The following RRM2 variants were observed in gnomAD, a reference collection of about 807,000 sequenced individuals.
RRM2 encodes the protein ribonucleotide reductase regulatory subunit M2, also known as ribonucleoside-diphosphate reductase subunit M2.
A neutral mutation model predicts 45.9 loss-of-function variants in RRM2; 6 were observed. The observed-to-expected ratio is 0.13, with a 90% CI of 0.07 to 0.26. The LOEUF (loss-of-function observed/expected upper bound fraction) is 0.26, where lower values mean the gene tolerates loss of function less well. Ranked by LOEUF, RRM2 falls within the 10% of genes least tolerant of loss-of-function variation. The pLI, the probability that RRM2 is intolerant of heterozygous loss-of-function variation, is 1.00. For missense variants in RRM2, 343 were observed against 489.5 expected, an observed-to-expected ratio of 0.70 and a Z score of 2.82; for synonymous variants, 177 against 173.0, an observed-to-expected ratio of 1.02 and a Z score of -0.18.
intron 3 of RRM2, among the ~76,000 whole-genome samples, chr2:10,189,861 G>A (rs962376797): frequency 6.6e-6 from 1 of 152,232 alleles, no homozygotes; most frequent in Non-Finnish European, 1.5e-5. Flanking sequence ...CCCAGAGCCT[G>A]GCACATAGTG....
intron 3 of RRM2, among the ~76,000 whole-genome samples, chr2:10,149,113 G>A (rs1355086604): frequency 6.6e-6 from 1 of 151,698 alleles, no homozygotes; most frequent in Non-Finnish European, 1.5e-5. Context: ...GCTTTCTGGA[G>A]AGGATTGCTG....
At chr2:10,154,640 A>G (rs1663387713) in intron 3 of RRM2, among the ~76,000 whole-genome samples, 1 of 151,926 alleles carries the variant, frequency 6.6e-6, no homozygotes, top group Admixed American at 6.6e-5. Context: ...CTGAGTGGCT[A>G]ATAAATATTA....
rs755862699 is a variant in RRM2 at position 10,127,788 on chromosome 2, A to G, written c.798+568A>G. The stretch of plus-strand genomic sequence containing the variant: ...TGAGCCACCATGCCCAGCCAAAACT[A>G]CAAGTTATTGATGGGATTGGGATTT... On this transcript the variant is annotated intron_variant, in intron 7 of 9. Coordinates refer to ENST00000304567, the MANE Select transcript of RRM2 (RefSeq NM_001034.4). This position sits in a 1 kb window ranked among gnomAD's most constrained non-coding sequence, Gnocchi z 4.1. Among the ~76,000 whole-genome samples, 4 of 152,122 alleles carry G rather than the reference A, an allele frequency of 2.6e-5. No homozygotes were observed. The highest frequency in any genetic ancestry group is 2.9e-5 in the Non-Finnish European group (2 of 68,010).
chr2:10,122,922 G>A (rs1458182123), intron 1 of RRM2, 25 bp downstream of exon 1: 2 of 1,554,812 alleles, frequency 1.3e-6, no homozygotes, highest in Admixed American at 1.9e-5. Context: ...AGGGCGCTGC[G>A]GGCAGGGGAG....
chr2:10,163,252 C>T (rs368725650), intron 3 of RRM2, among the ~76,000 whole-genome samples: 1 of 149,414 alleles, frequency 6.7e-6, no homozygotes. Flanking sequence ...AGAGGGGGAG[C>T]GAGCGCTTGA....
chr2:10,160,615 G>C (rs148717127), intron 3 of RRM2, among the ~76,000 whole-genome samples: 1 of 152,246 alleles, frequency 6.6e-6, no homozygotes, highest in Non-Finnish European at 1.5e-5. Context: ...TCACCATAGA[G>C]GTTTGGGTCC....
At chr2:10,190,746 A>T (rs1317242161) in intron 3 of RRM2, among the ~76,000 whole-genome samples, 1 of 140,706 alleles carries the variant, frequency 7.1e-6, no homozygotes, top group East Asian at 2.1e-4. Flanking sequence ...GATGGTGGTG[A>T]TGTTGGCGAT....
In RRM2 at chr2:10,185,253, G is replaced by A. The variant is rs1273381589; in HGVS notation, n.483-25058G>A. Among the ~76,000 whole-genome samples the A allele has an allele frequency of 1.3e-5, 2 of 150,088 alleles. No individual in the cohort carries two copies. The highest frequency in any genetic ancestry group is 3.0e-5 in the Non-Finnish European group (2 of 67,122). On this transcript the variant is annotated intron_variant and non_coding_transcript_variant, in intron 3 of 3. Transcript: ENST00000381786. This position sits in a 1 kb window ranked among gnomAD's most constrained non-coding sequence, Gnocchi z 4.3. ...CCAGGACAAGAGACAGAGAGAGAGC[G>A]TGAAAGCGAGACAGAGCGTGAGAGT...
intron 3 of RRM2, among the ~76,000 whole-genome samples, chr2:10,168,376 G>T (rs1558395195): frequency 6.6e-6 from 1 of 151,996 alleles, no homozygotes; most frequent in Non-Finnish European, 1.5e-5. Flanking sequence ...CTTCATCCTG[G>T]CAGGGCTTCC....
chr2:10,201,234 T>A (rs1664565288), intron 3 of RRM2, among the ~76,000 whole-genome samples: 1 of 151,840 alleles, frequency 6.6e-6, no homozygotes, highest in Non-Finnish European at 1.5e-5. Flanking sequence ...AATTTAAGGA[T>A]ACTCACAGGT....
Position 10,185,358 on chromosome 2 carries a change from A to G in RRM2, n.483-24953A>G, listed in dbSNP as rs891656134. On this transcript the variant is annotated intron_variant and non_coding_transcript_variant, in intron 3 of 3. Coordinates refer to the RRM2 transcript ENST00000381786. This position sits in a 1 kb window ranked among gnomAD's most constrained non-coding sequence, Gnocchi z 4.3. ...TCGATTCATTAATATATTCAAAACT[A>G]TATTCAAAAACTATTCATTTAAAAA... Among the ~76,000 whole-genome samples, 18 of 152,328 alleles carry G rather than the reference A, an allele frequency of 1.2e-4. No homozygotes were observed. Among genetic ancestry groups the G allele is most frequent in the South Asian group, 1.0e-3 (5 of 4,832 alleles).
At chr2:10,141,774 T>C (rs1008153193) in intron 1 of RRM2, 34 of 1,314,280 alleles carry the variant, frequency 2.6e-5, no homozygotes, top group Non-Finnish European at 3.4e-5. Context: ...GAGGTGGCCA[T>C]GGCCTGGGGC....
At chr2:10,163,175 C>A (rs968951730) in intron 3 of RRM2, among the ~76,000 whole-genome samples, 1 of 152,236 alleles carries the variant, frequency 6.6e-6, no homozygotes, top group African/African-American at 2.4e-5. Flanking sequence ...TTAATTGTGC[C>A]TGCGAAGGCT....
chr2:10,189,027 A>T (rs1269881423), intron 3 of RRM2, among the ~76,000 whole-genome samples: 1 of 152,220 alleles, frequency 6.6e-6, no homozygotes, highest in Non-Finnish European at 1.5e-5. Flanking sequence ...CACTCAGGCC[A>T]CACAGTCACT....
intron 3 of RRM2, among the ~76,000 whole-genome samples, chr2:10,187,002 AGGTGCGTGCGGGGCT>A (rs1217963959): frequency 6.6e-6 from 1 of 152,172 alleles, no homozygotes; most frequent in Non-Finnish European, 1.5e-5. Context: ...GGCTCAGAGG[AGGTGCGTGCGGGGCT>A]GGTGCCGGTG....
chr2:10,177,107 G>A (rs756488112), intron 3 of RRM2, among the ~76,000 whole-genome samples: 15 of 152,084 alleles, frequency 9.9e-5, no homozygotes, highest in African/African-American at 3.4e-4. Flanking sequence ...TTAGCTGGGC[G>A]TGATGGTGGG....
chr2:10,126,162 TAAAAAAAAA>T lies in RRM2; in HGVS notation c.570-691_570-683del, dbSNP rs532815964. Among the ~76,000 whole-genome samples, 664 of 89,358 alleles carry T rather than the reference TAAAAAAAAA, an allele frequency of 7.4e-3. 31 individuals are homozygous for T. The highest frequency in any genetic ancestry group is 9.7e-3 in the Non-Finnish European group (498 of 51,328). 58.6% of individuals were successfully genotyped at this position (89,358 alleles called of 152,430 possible). A position where few individuals can be genotyped will look rare whatever the true frequency, so the allele number is the denominator to read the frequency against. ...CAACAGAGTGAGACCCTCATCTCTT[TAAAAAAAAA>T]AAAAAAAAAAAAAAAAAAAAAGCTG... On this transcript the variant is annotated intron_variant, in intron 5 of 9. Transcript: ENST00000304567.
At chr2:10,145,594 C>T (rs919608871) in intron 3 of RRM2, 1 of 152,322 alleles carries the variant, frequency 6.6e-6, no homozygotes, top group Admixed American at 6.5e-5. Context: ...TGCTGTGAGT[C>T]CAGCTAGGAT....
At chr2:10,125,663 C>G (rs1662763153) in intron 5 of RRM2, among the ~76,000 whole-genome samples, 1 of 152,022 alleles carries the variant, frequency 6.6e-6, no homozygotes, top group Admixed American at 6.6e-5. Flanking sequence ...GAGCAAGACT[C>G]CGTCTCAAAA....
Sources: allele counts gnomAD v4.1 joint callset (sites outside exome capture counted in the v4.1 genomes callset), GRCh38; gene constraint gnomAD v4.1.1; non-coding constraint Gnocchi (gnomAD v3.1); transcripts MANE v1.5; gene names NCBI Gene and HGNC (gene_info 2026-07-23, HGNC 2026-07-21).